The following PCDHGA2 variants were observed in gnomAD, a reference collection of about 807,000 sequenced individuals.
PCDHGA2 encodes protocadherin gamma subfamily A, 2.
Under a neutral mutation model 59.2 loss-of-function variants are expected in PCDHGA2, and 40 were observed. That is an observed-to-expected ratio of 0.68 (90% CI 0.52 to 0.88). The LOEUF is 0.88. PCDHGA2 is among the 40% of genes least tolerant of loss of function. The probability of loss-of-function intolerance (pLI) is 0.00; values close to 1 mark genes in which losing one functional copy is unlikely to be tolerated. For synonymous variants in PCDHGA2, 560 were observed against 526.0 expected, an observed-to-expected ratio of 1.06 and a Z score of -0.89; for missense variants, 1,226 against 1,204.0, an observed-to-expected ratio of 1.02 and a Z score of -0.27.
chr5:141,447,954 C>T (rs927510517), intron 1 of PCDHGA2, among the ~76,000 whole-genome samples: 11 of 151,814 alleles, frequency 7.2e-5, no homozygotes, highest in Non-Finnish European at 1.2e-4. Flanking sequence ...GGCATGGTGG[C>T]GGACACCTAT....
intron 1 of PCDHGA2, chr5:141,356,981 T>C: frequency 6.2e-7 from 1 of 1,614,246 alleles, no homozygotes; most frequent in South Asian, 1.1e-5. Flanking sequence ...GTGGTGGCAG[T>C]GGACAGAGAC....
At chr5:141,392,249 T>C (rs1474806816) in intron 1 of PCDHGA2, 1 of 152,206 alleles carries the variant, frequency 6.6e-6, no homozygotes, top group Non-Finnish European at 1.5e-5. Context: ...TTTGTTAGTA[T>C]ATATTGGAGA....
At position 141,432,379 on chromosome 5, in the gene PCDHGA2, G is replaced by A; in HGVS notation, c.2425-62428G>A. On this transcript the variant is annotated intron_variant, in intron 1 of 3. Transcript: ENST00000394576. The surrounding 1 kb of genome is among the most constrained non-coding windows in gnomAD (Gnocchi z 6.0). ...TGATGGCGCGGGACAACGGGCACCC[G>A]CCCCTCAGCAGCAACGTGTCGTTGA... 1.2e-6 allele frequency: 2 copies of A among 1,614,208 alleles called. No homozygotes were observed. The highest frequency in any genetic ancestry group is 1.7e-6 in the Non-Finnish European group (2 of 1,180,038).
At chr5:141,442,737 G>A (rs1376026431) in intron 1 of PCDHGA2, among the ~76,000 whole-genome samples, 1 of 152,152 alleles carries the variant, frequency 6.6e-6, no homozygotes, top group Non-Finnish European at 1.5e-5. Flanking sequence ...CTGTAGGTAA[G>A]GAGCATGTTT....
At chr5:141,349,878 C>T (rs1335330888) in intron 1 of PCDHGA2, among the ~76,000 whole-genome samples, 1 of 152,058 alleles carries the variant, frequency 6.6e-6, no homozygotes, top group Non-Finnish European at 1.5e-5. Context: ...GATGAAGGCC[C>T]TTATCTGATG....
At chr5:141,423,342 C>A in intron 1 of PCDHGA2, 1 of 1,613,824 alleles carries the variant, frequency 6.2e-7, no homozygotes, top group South Asian at 1.1e-5. Flanking sequence ...CCTGCATCTT[C>A]CTGGTCTTTG....
At chr5:141,371,823 T>A in intron 1 of PCDHGA2, 2 of 1,613,832 alleles carry the variant, frequency 1.2e-6, no homozygotes, top group South Asian at 2.2e-5. Flanking sequence ...TGTCAGAGCC[T>A]CGGATCCCGA....
intron 1 of PCDHGA2, chr5:141,427,972 C>A: frequency 6.3e-7 from 1 of 1,593,948 alleles, no homozygotes; most frequent in Non-Finnish European, 8.6e-7. Context: ...GTGCTGTACC[C>A]CGCGCTGGGG....
intron 1 of PCDHGA2, among the ~76,000 whole-genome samples, chr5:141,452,103 TTTCTC>T (rs1428635203): frequency 1.3e-5 from 2 of 152,186 alleles, no homozygotes; most frequent in African/African-American, 4.8e-5. Context: ...AGAGCTTTCT[TTTCTC>T]TTCTTATTTA....
chr5:141,375,192 A>G, intron 1 of PCDHGA2: 3 of 1,613,952 alleles, frequency 1.9e-6, no homozygotes, highest in South Asian at 2.2e-5. Context: ...GCCCTTTTTC[A>G]AGTGTTCGAT....
chr5:141,492,602 C>G (rs1352851783), intron 1 of PCDHGA2, among the ~76,000 whole-genome samples: 2 of 152,222 alleles, frequency 1.3e-5, no homozygotes, highest in Non-Finnish European at 2.9e-5. Flanking sequence ...GAGCGACTGC[C>G]GCTCTAAGTG....
chr5:141,462,617 T>C (rs1413543706), intron 1 of PCDHGA2, among the ~76,000 whole-genome samples: 1 of 151,850 alleles, frequency 6.6e-6, no homozygotes, highest in East Asian at 1.9e-4. Context: ...TTTTCACTTT[T>C]AGAAGTTCCA....
intron 1 of PCDHGA2, among the ~76,000 whole-genome samples, chr5:141,407,382 A>G (rs1158380926): frequency 6.6e-6 from 1 of 152,218 alleles, no homozygotes; most frequent in Non-Finnish European, 1.5e-5. Context: ...GAAGGCTTGT[A>G]TGTCATGGTA....
rs748395200 is a variant in PCDHGA2, at chr5:141,374,991, CT to C, written c.2424+33598del. On this transcript the variant is annotated intron_variant, in intron 1 of 3. Transcript: ENST00000394576. Reference sequence around the variant, plus strand: ...AATGTTTTGACTGGAGAAATTTCAACTTCTGCAAATCTAGACTATGAGGACT... The same window carrying C: ...AATGTTTTGACTGGAGAAATTTCAACTCTGCAAATCTAGACTATGAGGACT... The C allele has an allele frequency of 5.6e-6, 9 of 1,613,918 alleles. No individual in the cohort carries two copies. In the East Asian group the frequency reaches 2.0e-4, roughly 36 times the overall value.
In PCDHGA2 at chr5:141,431,482, G is replaced by C. The variant is rs781371030; in HGVS notation, c.2425-63325G>C. ...TGGATGCGAACGACAACGCACCAGCGTTTGCTCAGCCCGAGTACCGCGCGA... is the reference window on the plus strand; with the variant it reads ...TGGATGCGAACGACAACGCACCAGCCTTTGCTCAGCCCGAGTACCGCGCGA... On this transcript the variant is annotated intron_variant, in intron 1 of 3. Coordinates refer to ENST00000394576, the MANE Select transcript of PCDHGA2 (RefSeq NM_018915.4). The surrounding 1 kb of genome is among the most constrained non-coding windows in gnomAD (Gnocchi z 4.8). The C allele has an allele frequency of 6.8e-6, 11 of 1,613,800 alleles. No individual in the cohort carries two copies. The Admixed American group carries it at 1.3e-4, about 20-fold the overall frequency.
intron 1 of PCDHGA2, among the ~76,000 whole-genome samples, chr5:141,369,682 A>G (rs979966381): frequency 2.0e-5 from 3 of 152,250 alleles, no homozygotes; most frequent in African/African-American, 7.2e-5. Flanking sequence ...AGTGAAACAT[A>G]GAATAAAACT....
At chr5:141,393,189 A>G (rs1561640968) in intron 1 of PCDHGA2, 1 of 1,613,404 alleles carries the variant, frequency 6.2e-7, no homozygotes, top group Admixed American at 1.7e-5. Context: ...AATAATTGAT[A>G]TTAACGATAA....
At chr5:141,410,235 G>A (rs753193390) in intron 1 of PCDHGA2, 2 of 1,613,970 alleles carry the variant, frequency 1.2e-6, no homozygotes, top group South Asian at 1.1e-5. Context: ...CTCAGCGACC[G>A]CCCTGTACTC....
intron 1 of PCDHGA2, among the ~76,000 whole-genome samples, chr5:141,450,829 A>ATTTT (rs373424450): frequency 2.2e-4 from 30 of 135,142 alleles, no homozygotes; most frequent in African/African-American, 6.3e-4. Flanking sequence ...TATTATTATT[A>ATTTT]TTTTTTTTTT....
Sources: allele counts gnomAD v4.1 joint callset (sites outside exome capture counted in the v4.1 genomes callset), GRCh38; gene constraint gnomAD v4.1.1; non-coding constraint Gnocchi (gnomAD v3.1); transcripts MANE v1.5; gene names NCBI Gene and HGNC (gene_info 2026-07-23, HGNC 2026-07-21).